LRP5: variants seen among roughly 807,000 people sequenced by gnomAD.
The protein encoded by LRP5 is LDL receptor related protein 5.
A neutral mutation model predicts 154.1 loss-of-function variants in LRP5; 62 were observed. The observed-to-expected ratio is 0.40, with a 90% confidence interval of 0.33 to 0.50. The LOEUF is 0.50. LRP5 is among the 20% of genes least tolerant of loss of function. LRP5 has a pLI of 0.55. For synonymous variants in LRP5, 966 were observed against 1,011.5 expected, an observed-to-expected ratio of 0.96 and a Z score of 0.85; for missense variants, 1,915 against 2,336.7, an observed-to-expected ratio of 0.82 and a Z score of 3.72.
chr11:68,391,546 G>A (rs1255161325), intron 7 of LRP5, among the ~76,000 whole-genome samples: 1 of 152,204 alleles, frequency 6.6e-6, no homozygotes, highest in South Asian at 2.1e-4. Flanking sequence ...GTGTGTCTGT[G>A]TTGCAGGATT....
intron 1 of LRP5, among the ~76,000 whole-genome samples, chr11:68,319,518 T>TTTA (rs34373911): frequency 0.17 from 25,559 of 151,690 alleles, 2,563 homozygotes; most frequent in Non-Finnish European, 0.24. Flanking sequence ...CCCAGCCTAT[T>TTTA]TTATTATTAT....
intron 1 of LRP5, among the ~76,000 whole-genome samples, chr11:68,332,316 ATGGAGACAGCACC>A (rs1376216688): frequency 4.6e-5 from 7 of 152,174 alleles, no homozygotes; most frequent in African/African-American, 1.7e-4. Context: ...CTCATTCTTG[ATGGAGACAGCACC>A]TGGAATGGGA....
chr11:68,417,425 C>T (rs1271005895), intron 13 of LRP5, among the ~76,000 whole-genome samples: 1 of 124,154 alleles, frequency 8.1e-6, no homozygotes, highest in Non-Finnish European at 1.6e-5. Context: ...TGTCCTAATA[C>T]ATCATTGCAT....
At chr11:68,327,749 G>A (rs2098600536) in intron 1 of LRP5, among the ~76,000 whole-genome samples, 2 of 152,254 alleles carry the variant, frequency 1.3e-5, no homozygotes, top group Admixed American at 1.3e-4. Context: ...GCTAGGCCCG[G>A]CACCTTAGGA....
At chr11:68,344,594 A>G (rs974966052) in intron 1 of LRP5, among the ~76,000 whole-genome samples, 2 of 152,050 alleles carry the variant, frequency 1.3e-5, no homozygotes, top group African/African-American at 4.8e-5. Context: ...TGCTGAGATG[A>G]CAGGTGTGAG....
At chr11:68,321,394 C>G (rs372790731) in intron 1 of LRP5, among the ~76,000 whole-genome samples, 1 of 152,188 alleles carries the variant, frequency 6.6e-6, no homozygotes, top group Admixed American at 6.5e-5. Context: ...TGGTGAACTT[C>G]AGAGCCGTCC....
At chr11:68,406,960 T>G in intron 9 of LRP5, 147 bp downstream of exon 9, 1 of 714,402 alleles carries the variant, frequency 1.4e-6, no homozygotes, top group East Asian at 2.9e-5. Flanking sequence ...AGCAAGCCTA[T>G]TTAAAAAAAA....
intron 7 of LRP5, among the ~76,000 whole-genome samples, chr11:68,396,924 C>T (rs1308876943): frequency 6.6e-6 from 1 of 152,176 alleles, no homozygotes; most frequent in Non-Finnish European, 1.5e-5. Context: ...GGGCTGAGGT[C>T]CCCTGATTGC....
At chr11:68,404,653 C>G (rs1297397308) in intron 8 of LRP5, among the ~76,000 whole-genome samples, 1 of 152,108 alleles carries the variant, frequency 6.6e-6, no homozygotes, top group East Asian at 1.9e-4. Flanking sequence ...ATTTAGTTTT[C>G]CCAGCCTCCT....
chr11:68,405,632 C>G (rs1489800411), intron 8 of LRP5, among the ~76,000 whole-genome samples: 1 of 152,142 alleles, frequency 6.6e-6, no homozygotes, highest in Non-Finnish European at 1.5e-5. Flanking sequence ...TTCCCCCTCC[C>G]CTCTCACCCC....
chr11:68,442,583 T>C lies in LRP5; in HGVS notation c.4488+2667T>C, dbSNP rs113854101. Among the ~76,000 whole-genome samples the C allele has an allele frequency of 2.3e-3, 357 of 152,294 alleles. 7 individuals are homozygous for C. Among genetic ancestry groups the C allele is most frequent in the African/African-American group, 8.1e-3 (338 of 41,560 alleles). ...GAGCCACTGCGCCTGGGCTGACATA[T>C]GTGTTTTCGTAAGCCCGAAAGATAG... On this transcript the variant is annotated intron_variant, in intron 21 of 22. Transcript: ENST00000294304.
At chr11:68,402,555 C>A (rs945326496) in intron 7 of LRP5, among the ~76,000 whole-genome samples, 1 of 151,872 alleles carries the variant, frequency 6.6e-6, no homozygotes. Context: ...CAGGCCCTGC[C>A]GTTGCTCATA....
At chr11:68,333,385 A>G (rs1347356724) in intron 1 of LRP5, among the ~76,000 whole-genome samples, 1 of 152,234 alleles carries the variant, frequency 6.6e-6, no homozygotes, top group African/African-American at 2.4e-5. Flanking sequence ...CATTCTTGGC[A>G]AACAGGTGTA....
chr11:68,354,349 T>C (rs936725545), intron 2 of LRP5, among the ~76,000 whole-genome samples: 5 of 152,238 alleles, frequency 3.3e-5, no homozygotes, highest in African/African-American at 4.8e-5. Context: ...GCCTCTGTTA[T>C]GAAACTCGGG....
intron 5 of LRP5, among the ~76,000 whole-genome samples, chr11:68,376,511 C>T (rs879407571): frequency 2.0e-5 from 3 of 152,092 alleles, no homozygotes; most frequent in Non-Finnish European, 4.4e-5. Flanking sequence ...GGGCCTGAGG[C>T]ACACGGTGCC....
At chr11:68,305,252 G>GCT in the LRP5 span, among the ~76,000 whole-genome samples, 24 of 150,248 alleles carry the variant, frequency 1.6e-4, no homozygotes, top group South Asian at 2.9e-3. Flanking sequence ...ACACCTCCCT[G>GCT]CTCTCTCTCT....
intron 3 of LRP5, among the ~76,000 whole-genome samples, chr11:68,362,512 T>C (rs796346558): frequency 6.6e-6 from 1 of 152,066 alleles, no homozygotes; most frequent in East Asian, 1.9e-4. Context: ...GGCGAAACCC[T>C]GTCTCTACCA....
the LRP5 span, among the ~76,000 whole-genome samples, chr11:68,306,231 G>A: frequency 6.6e-6 from 1 of 152,116 alleles, no homozygotes; most frequent in Non-Finnish European, 1.5e-5. Context: ...CGCCTCCCAG[G>A]TGCAAGCCAT....
In LRP5 at chr11:68,429,559, T is replaced by C; in HGVS notation, c.3638-16T>C. 6.2e-7 allele frequency: 1 copy of C among 1,613,994 alleles called. No homozygotes were observed. Among genetic ancestry groups the C allele is most frequent in the African/African-American group, 1.3e-5 (1 of 75,048 alleles). ...GACAGAGCCTGACCTCTGTTTGTCT[T>C]GTTTTGTCTTTGCAGCAGCCCACCC... On this transcript the variant is annotated splice_polypyrimidine_tract_variant and intron_variant, in intron 16 of 22. Transcript: ENST00000294304.
Sources: allele counts gnomAD v4.1 joint callset (sites outside exome capture counted in the v4.1 genomes callset), GRCh38; gene constraint gnomAD v4.1.1; transcripts MANE v1.5; gene names NCBI Gene and HGNC (gene_info 2026-07-23, HGNC 2026-07-21).